Variants in BRINP2 observed in about 807,000 individuals in gnomAD.
The protein encoded by BRINP2 is BMP/retinoic acid-inducible neural-specific protein 2.
Under a neutral mutation model 69.2 loss-of-function variants are expected in BRINP2, and 21 were observed. The observed-to-expected ratio is 0.30, with a 90% confidence interval of 0.22 to 0.44. BRINP2 has a LOEUF of 0.44. Ranked by LOEUF, BRINP2 falls within the 20% of genes least tolerant of loss-of-function variation. The pLI, the probability that BRINP2 is intolerant of heterozygous loss-of-function variation, is 1.00. For missense variants in BRINP2, 877 were observed against 986.0 expected, an observed-to-expected ratio of 0.89 and a Z score of 1.48; for synonymous variants, 380 against 394.1, an observed-to-expected ratio of 0.96 and a Z score of 0.42.
rs377735882 is a variant in BRINP2, at chr1:177,281,510, C to T, written c.2334C>T (p.Thr778=). The change falls in exon 8 of 8, where the codon ACC becomes ACT. Residue 778 remains threonine, a synonymous_variant. Transcript: ENST00000361539. ...SKLPNPVEYE[T]GKLCS is the part of the protein sequence containing the mutation. ...TGCCAAACCCTGTGGAATATGAGAC[C>T]GGCAAACTCTGTAGCTAATGGGCGG... 1.2e-5 allele frequency: 19 copies of T among 1,605,594 alleles called. 1 individual carries two copies. The highest frequency in any genetic ancestry group is 2.2e-5 in the East Asian group (1 of 44,850).
chr1:177,242,219 G>A (rs746093971), intron 2 of BRINP2, among the ~76,000 whole-genome samples: 8 of 151,966 alleles, frequency 5.3e-5, no homozygotes, highest in South Asian at 2.1e-4. Flanking sequence ...TCTACCATTC[G>A]TACTTTCCTC....
intron 1 of BRINP2, among the ~76,000 whole-genome samples, chr1:177,214,153 C>T (rs886449803): frequency 2.0e-5 from 3 of 152,100 alleles, no homozygotes; most frequent in Admixed American, 1.3e-4. Context: ...AATTAAAGGC[C>T]GGGTGCGGTA....
chr1:177,251,117 T>C (rs1650568606), intron 2 of BRINP2, among the ~76,000 whole-genome samples: 1 of 152,218 alleles, frequency 6.6e-6, no homozygotes, highest in Non-Finnish European at 1.5e-5. Flanking sequence ...GTATTATGAT[T>C]TATTTAGCAG....
At chr1:177,190,608 C>T (rs1428896551) in intron 1 of BRINP2, among the ~76,000 whole-genome samples, 1 of 152,172 alleles carries the variant, frequency 6.6e-6, no homozygotes, top group Non-Finnish European at 1.5e-5. Context: ...CTCTTTGGAG[C>T]AGCTATAGGC....
At chr1:177,214,720 G>T (rs901329552) in intron 1 of BRINP2, among the ~76,000 whole-genome samples, 2 of 152,122 alleles carry the variant, frequency 1.3e-5, no homozygotes, top group Admixed American at 6.5e-5. Context: ...CTTACATGGG[G>T]CTGATTTTAG....
intron 1 of BRINP2, among the ~76,000 whole-genome samples, chr1:177,198,583 C>A (rs764260797): frequency 1.3e-5 from 2 of 152,006 alleles, no homozygotes; most frequent in African/African-American, 4.8e-5. Context: ...TGGGGTCCAC[C>A]TTTTTTAAAA....
chr1:177,261,775 A>C (rs1413373441), intron 4 of BRINP2, among the ~76,000 whole-genome samples: 2 of 152,220 alleles, frequency 1.3e-5, no homozygotes, highest in African/African-American at 2.4e-5. Context: ...CCTAGGGCTG[A>C]GTTGTGAAGC....
chr1:177,227,885 T>C (rs931386799), intron 1 of BRINP2, among the ~76,000 whole-genome samples: 3 of 152,222 alleles, frequency 2.0e-5, no homozygotes, highest in African/African-American at 2.4e-5. Context: ...GTTTTAATTA[T>C]TGGAATTTTA....
intron 2 of BRINP2, among the ~76,000 whole-genome samples, chr1:177,235,233 A>C (rs994324612): frequency 2.0e-5 from 3 of 152,178 alleles, no homozygotes; most frequent in African/African-American, 7.2e-5. Context: ...ATGGCATCAG[A>C]GCTTGAGGAG....
At chr1:177,211,068 C>T (rs187875148) in intron 1 of BRINP2, among the ~76,000 whole-genome samples, 106 of 151,196 alleles carry the variant, frequency 7.0e-4, no homozygotes, top group Non-Finnish European at 1.1e-3. Flanking sequence ...CTGGATACAA[C>T]CAGATAACAA....
In BRINP2 at chr1:177,280,692, G is replaced by C; in HGVS notation, c.1516G>C (p.Glu506Gln). ...AESLENFLGL[E>Q]TDLQDLELKY... Reference sequence around the variant, plus strand: ...GTCCCTGGAAAACTTTCTTGGGCTGGAGACAGACTTGCAGGACCTGGAGCT... The same window carrying C: ...GTCCCTGGAAAACTTTCTTGGGCTGCAGACAGACTTGCAGGACCTGGAGCT... Residue 506 changes from glutamate to glutamine, a missense_variant, in exon 8 of 8, where the codon GAG (glutamate) becomes CAG (glutamine). Glu to Gln is a conservative substitution (Grantham distance 29, BLOSUM62 2). Transcript: ENST00000361539. The C allele has an allele frequency of 6.2e-7, 1 of 1,614,236 alleles. No individual in the cohort carries two copies. The highest frequency in any genetic ancestry group is 8.5e-7 in the Non-Finnish European group (1 of 1,180,040).
chr1:177,180,953 G>T (rs1278403620), intron 1 of BRINP2, among the ~76,000 whole-genome samples: 1 of 152,198 alleles, frequency 6.6e-6, no homozygotes, highest in Admixed American at 6.5e-5. Context: ...GGAGTTCAAT[G>T]TCTATGAATG....
At chr1:177,195,703 G>A (rs1237682377) in intron 1 of BRINP2, among the ~76,000 whole-genome samples, 1 of 151,876 alleles carries the variant, frequency 6.6e-6, no homozygotes, top group Non-Finnish European at 1.5e-5. Flanking sequence ...AGACAGCCAA[G>A]CCAATCTTGG....
At chr1:177,278,059 G>C (rs1234789665) in intron 6 of BRINP2, among the ~76,000 whole-genome samples, 1 of 152,184 alleles carries the variant, frequency 6.6e-6, no homozygotes, top group Non-Finnish European at 1.5e-5. Context: ...GCTGGTCTCA[G>C]GGACTGGAGG....
chr1:177,189,827 G>A (rs540547618), intron 1 of BRINP2, among the ~76,000 whole-genome samples: 1 of 152,238 alleles, frequency 6.6e-6, no homozygotes, highest in Admixed American at 6.5e-5. Flanking sequence ...GCAACCTTAT[G>A]AATAAACCAT....
intron 1 of BRINP2, among the ~76,000 whole-genome samples, chr1:177,216,722 T>G (rs1157042568): frequency 6.6e-6 from 1 of 152,006 alleles, no homozygotes; most frequent in Non-Finnish European, 1.5e-5. Flanking sequence ...GGAAAGTTTT[T>G]ATTTCTCCCT....
rs371225324 is a variant in BRINP2 at position 177,241,132 on chromosome 1, C to T, written c.269+10987C>T. Among the ~76,000 whole-genome samples the T allele has an allele frequency of 3.5e-4, 54 of 152,192 alleles. 1 individual carries two copies. The East Asian group carries it at 5.6e-3, about 16-fold the overall frequency. On this transcript the variant is annotated intron_variant, in intron 2 of 7. Coordinates refer to ENST00000361539, the MANE Select transcript of BRINP2 (RefSeq NM_021165.4). The stretch of plus-strand genomic sequence containing the variant: ...GACTACAGGCATCCACCACCATGCC[C>T]GGCTAATTTTTTGTATTTTTAGTAG...
intron 2 of BRINP2, among the ~76,000 whole-genome samples, chr1:177,238,882 C>A (rs942660853): frequency 3.3e-5 from 5 of 152,140 alleles, no homozygotes; most frequent in African/African-American, 1.2e-4. Context: ...ACTTTATTAA[C>A]ATTAATTAAA....
chr1:177,178,600 C>T (rs1648154991), intron 1 of BRINP2, among the ~76,000 whole-genome samples: 1 of 152,080 alleles, frequency 6.6e-6, no homozygotes, highest in African/African-American at 2.4e-5. Flanking sequence ...TAATTGCCTC[C>T]CCCTCTAGAC....
Sources: allele counts gnomAD v4.1 joint callset (sites outside exome capture counted in the v4.1 genomes callset), GRCh38; gene constraint gnomAD v4.1.1; transcripts MANE v1.5; gene names NCBI Gene and HGNC (gene_info 2026-07-23, HGNC 2026-07-21).